The following THSD7A variants were observed in gnomAD, a reference collection of about 807,000 sequenced individuals.
THSD7A encodes thrombospondin type-1 domain-containing protein 7A.
Under a neutral mutation model 231.3 loss-of-function variants are expected in THSD7A, and 96 were observed. The observed-to-expected ratio is 0.41, with a 90% confidence interval of 0.35 to 0.49. The LOEUF (loss-of-function observed/expected upper bound fraction) is 0.49, where lower values mean the gene tolerates loss of function less well. Among genes scored for constraint, THSD7A ranks in the 20% least tolerant of loss-of-function variants. THSD7A has a pLI of 0.05. For synonymous variants in THSD7A, 940 were observed against 743.3 expected (o/e 1.26, Z -4.30); for missense variants, 2,290 against 2,070.2 (o/e 1.11, Z -2.06).
intron 6 of THSD7A, among the ~76,000 whole-genome samples, chr7:11,500,126 C>G (rs1787270584): frequency 6.6e-6 from 1 of 152,098 alleles, no homozygotes; most frequent in Admixed American, 6.5e-5. Context: ...GACCTCTCAG[C>G]TGAAACTCTA....
intron 6 of THSD7A, among the ~76,000 whole-genome samples, chr7:11,509,598 C>T (rs949364117): frequency 6.6e-5 from 10 of 150,908 alleles, no homozygotes; most frequent in African/African-American, 9.7e-5. Flanking sequence ...TTTGGGAGGC[C>T]GAGGCGGGTG....
intron 1 of THSD7A, among the ~76,000 whole-genome samples, chr7:11,656,998 C>T (rs1782734404): frequency 1.3e-5 from 2 of 151,840 alleles, no homozygotes; most frequent in South Asian, 4.1e-4. Flanking sequence ...ATTGTTAAGA[C>T]TGCCATGTAT....
In THSD7A at chr7:11,541,492, G is replaced by A. The variant is rs1457475167; in HGVS notation, c.1749C>T (p.Asn583=). ...CYDWKAVRLG[N]CEPDNGKECG... ...ACTCCTTTCCGTTATCTGGCTCGCA[G>A]TTTCCCAGTCTCACTGCTTTCCAGT... is the stretch of plus-strand genomic sequence containing the variant. The change falls in exon 6 of 28, where the codon AAC becomes AAT. Residue 583 remains asparagine, a synonymous_variant. Transcript: ENST00000423059. 6.2e-7 allele frequency: 1 copy of A among 1,613,790 alleles called. No individual in the cohort carries two copies. Among genetic ancestry groups the A allele is most frequent in the African/African-American group, 1.3e-5 (1 of 74,910 alleles).
At chr7:11,479,832 A>C (rs1223040207) in intron 7 of THSD7A, among the ~76,000 whole-genome samples, 1 of 151,758 alleles carries the variant, frequency 6.6e-6, no homozygotes, top group Admixed American at 6.6e-5. Flanking sequence ...ATAGCAGCAG[A>C]GACAAATAGC....
chr7:11,643,093 T>C (rs1427218876), intron 1 of THSD7A, among the ~76,000 whole-genome samples: 1 of 152,030 alleles, frequency 6.6e-6, no homozygotes, highest in Non-Finnish European at 1.5e-5. Flanking sequence ...AGAACTACTT[T>C]TTGTGCTTGT....
At chr7:11,794,669 A>G (rs1241075018) in intron 1 of THSD7A, among the ~76,000 whole-genome samples, 2 of 151,992 alleles carry the variant, frequency 1.3e-5, no homozygotes, top group African/African-American at 4.8e-5. Context: ...CTAAGACCTA[A>G]GAATCAATAA....
intron 23 of THSD7A, among the ~76,000 whole-genome samples, chr7:11,390,289 CT>C: frequency 6.6e-6 from 1 of 152,290 alleles, no homozygotes; most frequent in East Asian, 1.9e-4. Context: ...TTCTTGGAGG[CT>C]TTGTTTGTTC....
chr7:11,730,187 T>C (rs867193497), intron 1 of THSD7A, among the ~76,000 whole-genome samples: 17 of 151,772 alleles, frequency 1.1e-4, no homozygotes, highest in African/African-American at 3.6e-4. Flanking sequence ...ACCAGAACTT[T>C]GAAATATTGT....
chr7:11,703,487 T>G, intron 1 of THSD7A, among the ~76,000 whole-genome samples: 1 of 151,234 alleles, frequency 6.6e-6, no homozygotes, highest in East Asian at 2.0e-4. Flanking sequence ...CCTCTCTCAT[T>G]AATCACAATT....
intron 7 of THSD7A, among the ~76,000 whole-genome samples, chr7:11,477,118 C>T (rs558672318): frequency 9.9e-5 from 15 of 152,226 alleles, no homozygotes; most frequent in African/African-American, 3.4e-4. Context: ...TCAAGTTTGC[C>T]AACTGTCCCA....
intron 19 of THSD7A, among the ~76,000 whole-genome samples, chr7:11,410,956 C>A (rs899721833): frequency 2.6e-5 from 4 of 151,848 alleles, no homozygotes; most frequent in African/African-American, 9.7e-5. Context: ...TATTGTTCCC[C>A]AAGCATTTCT....
At chr7:11,481,737 C>T in intron 7 of THSD7A, 51 bp downstream of exon 7, 1 of 1,487,414 alleles carries the variant, frequency 6.7e-7, no homozygotes, top group Non-Finnish European at 9.0e-7. Context: ...AAAAAAGATG[C>T]ACACTAACTT....
At chr7:11,509,834 A>AAAT (rs1215372966) in intron 6 of THSD7A, among the ~76,000 whole-genome samples, 4 of 144,634 alleles carry the variant, frequency 2.8e-5, no homozygotes, top group Admixed American at 6.8e-5. Flanking sequence ...AAAAAAAAAA[A>AAAT]AATAACATCT....
At chr7:11,793,768 C>T (rs367725162) in intron 1 of THSD7A, among the ~76,000 whole-genome samples, 7 of 151,850 alleles carry the variant, frequency 4.6e-5, no homozygotes, top group South Asian at 2.1e-4. Context: ...ATTTACCAAA[C>T]GAAATAGAAC....
intron 4 of THSD7A, among the ~76,000 whole-genome samples, chr7:11,552,891 A>G (rs962180530): frequency 1.1e-4 from 17 of 152,102 alleles, no homozygotes; most frequent in African/African-American, 4.1e-4. Context: ...TATGTAAATC[A>G]GACACCGCCT....
rs73044151 is a variant in THSD7A at position 11,653,190 on chromosome 7, G to A, written c.191-16229C>T. Reference sequence around the variant, plus strand: ...TTTACTGACTATTTTTATAGTTATTGTATTTTTGTTTAGTTATTTTATTTT... The same window carrying A: ...TTTACTGACTATTTTTATAGTTATTATATTTTTGTTTAGTTATTTTATTTT... On this transcript the variant is annotated intron_variant, in intron 1 of 27. Coordinates refer to ENST00000423059, the MANE Select transcript of THSD7A (RefSeq NM_015204.3). Among the ~76,000 whole-genome samples, 619 of 151,812 alleles carry A rather than the reference G, an allele frequency of 4.1e-3. 3 individuals carry two copies. The highest frequency in any genetic ancestry group is 9.5e-3 in the Admixed American group (144 of 15,192).
intron 4 of THSD7A, among the ~76,000 whole-genome samples, chr7:11,566,519 A>C (rs534457769): frequency 2.0e-5 from 3 of 152,182 alleles, no homozygotes; most frequent in African/African-American, 7.2e-5. Flanking sequence ...GTTAACCACA[A>C]GGTGCTCCAA....
chr7:11,534,323 C>T (rs540466217), intron 6 of THSD7A, among the ~76,000 whole-genome samples: 13 of 152,250 alleles, frequency 8.5e-5, no homozygotes, highest in Non-Finnish European at 1.2e-4. Flanking sequence ...CTTTGACTAG[C>T]AGAATGTGGA....
chr7:11,418,177 A>C (rs1217213161), intron 16 of THSD7A, among the ~76,000 whole-genome samples: 2 of 152,232 alleles, frequency 1.3e-5, no homozygotes, highest in Non-Finnish European at 2.9e-5. Context: ...AAGTAATTTT[A>C]GCCTCCCTTC....
Sources: allele counts gnomAD v4.1 joint callset (sites outside exome capture counted in the v4.1 genomes callset), GRCh38; gene constraint gnomAD v4.1.1; transcripts MANE v1.5; gene names NCBI Gene and HGNC (gene_info 2026-07-23, HGNC 2026-07-21).